Variants in TRIM36 observed in about 807,000 individuals in gnomAD.
TRIM36 encodes the protein tripartite motif containing 36.
Under a neutral mutation model 72.4 loss-of-function variants are expected in TRIM36, and 42 were observed. That is an observed-to-expected ratio of 0.58 (90% CI 0.45 to 0.75). The LOEUF is 0.75. Among genes scored for constraint, TRIM36 ranks in the 30% least tolerant of loss-of-function variants. TRIM36 has a pLI of 0.00. For missense variants in TRIM36, 913 were observed against 857.1 expected, an observed-to-expected ratio of 1.07 and a Z score of -0.81; for synonymous variants, 315 against 282.8, an observed-to-expected ratio of 1.11 and a Z score of -1.14.
chr5:115,159,409 T>A (rs1241274824), intron 2 of TRIM36, among the ~76,000 whole-genome samples: 1 of 152,212 alleles, frequency 6.6e-6, no homozygotes, highest in Non-Finnish European at 1.5e-5. Context: ...TATCTTGTCA[T>A]GTATATTGAC....
At chr5:115,169,925 G>T (rs754867762), upstream of TRIM36, 247 of 1,276,942 alleles carry the variant, frequency 1.9e-4, no homozygotes, top group Non-Finnish European at 2.4e-4. Flanking sequence ...GAACGGCGCC[G>T]CGCAGAGACC....
At chr5:115,139,633 C>A (rs1223064669) in intron 5 of TRIM36, among the ~76,000 whole-genome samples, 1 of 152,126 alleles carries the variant, frequency 6.6e-6, no homozygotes, top group Non-Finnish European at 1.5e-5. Flanking sequence ...TCAGAAATAT[C>A]ATTATAGATA....
At chr5:115,145,306 C>G (rs6594878) in intron 3 of TRIM36, among the ~76,000 whole-genome samples, 78,711 of 152,054 alleles carry the variant, frequency 0.52, 22,493 homozygotes, top group African/African-American at 0.77. Context: ...TTTCTGATTT[C>G]ATTGTCTACC....
intron 5 of TRIM36, among the ~76,000 whole-genome samples, chr5:115,138,162 C>T (rs563384379): frequency 2.6e-5 from 4 of 152,270 alleles, no homozygotes; most frequent in South Asian, 4.1e-4. Flanking sequence ...TGCAGTGGTG[C>T]GATCTTGGCT....
rs536410419 is a variant in TRIM36 at position 115,164,850 on chromosome 5, G to C, written c.28-1098C>G. On this transcript the variant is annotated intron_variant, in intron 1 of 9. Transcript: ENST00000513154. Reference sequence around the variant, plus strand: ...AGACAAAGCAAGTCCCTTCTGCCTAGGGGCCTGGAGAATCAAAAGCAAGTT... The same window carrying C: ...AGACAAAGCAAGTCCCTTCTGCCTACGGGCCTGGAGAATCAAAAGCAAGTT... 8.5e-5 allele frequency among the ~76,000 whole-genome samples: 13 copies of C among 152,322 alleles called. No individual in the cohort carries two copies. The East Asian group carries it at 1.9e-3, about 23-fold the overall frequency.
chr5:115,133,865 G>C lies in TRIM36; in HGVS notation c.1493C>G (p.Ala498Gly). The C allele has an allele frequency of 6.3e-7, 1 of 1,589,766 alleles. No individual in the cohort carries two copies. Among genetic ancestry groups the C allele is most frequent in the Non-Finnish European group, 8.6e-7 (1 of 1,169,126 alleles). Residue 498 changes from alanine to glycine, a missense_variant, in exon 8 of 10, where the codon GCT (alanine) becomes GGT (glycine). By Grantham distance (60) the Ala-to-Gly change is moderately conservative (BLOSUM62 0). Coordinates refer to ENST00000513154, the MANE Select transcript of TRIM36 (RefSeq NM_001300759.2). ...SRELILHTPP[A>G]PVFSFLFDEK... is the part of the protein sequence containing the mutation. ...ATTCCTGATATTCACCATACCTGGA[G>C]CTGGAGGAGTATGAAGAATCAATTC...
At chr5:115,144,842 T>C in intron 3 of TRIM36, 98 bp from the exon 4 acceptor site, 1 of 1,324,704 alleles carries the variant, frequency 7.5e-7, no homozygotes, top group Non-Finnish European at 1.0e-6. Flanking sequence ...AATCACTAAA[T>C]AAAGCCATTT....
At chr5:115,142,263 G>T (rs1286860484) in intron 4 of TRIM36, among the ~76,000 whole-genome samples, 1 of 151,970 alleles carries the variant, frequency 6.6e-6, no homozygotes, top group African/African-American at 2.4e-5. Flanking sequence ...TATTCCACAG[G>T]CTGAGAGGTA....
intron 5 of TRIM36, among the ~76,000 whole-genome samples, chr5:115,138,689 T>C (rs963435682): frequency 6.6e-6 from 1 of 152,218 alleles, no homozygotes; most frequent in South Asian, 2.1e-4. Flanking sequence ...AAAATGACCC[T>C]AGTGTTTGTT....
intron 2 of TRIM36, chr5:115,159,545 T>A (rs1199509119): frequency 2.5e-6 from 1 of 407,678 alleles, no homozygotes; most frequent in African/African-American, 2.1e-5. Context: ...TTTTGAAGAC[T>A]TGACCACTGA....
intron 2 of TRIM36, among the ~76,000 whole-genome samples, chr5:115,151,812 C>A (rs1753910299): frequency 6.6e-6 from 1 of 152,174 alleles, no homozygotes; most frequent in South Asian, 2.1e-4. Flanking sequence ...CCCAGGAAGG[C>A]ACATCCATAG....
At chr5:115,161,912 A>ACCC (rs1754504063) in intron 2 of TRIM36, among the ~76,000 whole-genome samples, 1 of 152,230 alleles carries the variant, frequency 6.6e-6, no homozygotes, top group Non-Finnish European at 1.5e-5. Context: ...TTGGCCCTGC[A>ACCC]GCATCTAAAT....
At position 115,147,247 on chromosome 5, in the gene TRIM36, G is replaced by C; in HGVS notation, c.410C>G (p.Ala137Gly). 1 of 1,614,174 alleles carries C rather than the reference G, an allele frequency of 6.2e-7. No individual in the cohort carries two copies. Among genetic ancestry groups the C allele is most frequent in the Non-Finnish European group, 8.5e-7 (1 of 1,180,042 alleles). Reference protein sequence around the residue: ...ETIVERYRQAARAATAIMCDL... With the variant: ...ETIVERYRQAGRAATAIMCDL... ...ACACATAATGGCTGTGGCTGCCCTA[G>C]CTGCTTGACGATATCTTTCCACAAT... Residue 137 changes from alanine (A) to glycine (G), a missense_variant, in exon 3 of 10, where the codon GCT becomes GGT. Ala to Gly is a moderately conservative substitution (Grantham distance 60). Coordinates refer to ENST00000513154, the MANE Select transcript of TRIM36 (RefSeq NM_001300759.2).
At position 115,126,447 on chromosome 5, in the gene TRIM36, C is replaced by T. The variant is rs542986743; in HGVS notation, c.*56G>A. ...ATATGTAATTAGTTACGAAGGTTAA[C>T]GCTAAGGCATTGCTTTGTTTACAGT... On this transcript the variant is annotated 3_prime_UTR_variant, in exon 10 of 10. Coordinates refer to ENST00000513154, the MANE Select transcript of TRIM36 (RefSeq NM_001300759.2). 53 of 1,414,262 alleles carry T rather than the reference C, an allele frequency of 3.7e-5. No homozygotes were observed. In the South Asian group the frequency reaches 3.8e-4, roughly 10 times the overall value. The allele number at this position is 1,414,262 out of a possible 1,614,324, so 87.6% of individuals were successfully genotyped here.
At position 115,169,666 on chromosome 5, in the gene TRIM36, C is replaced by G. The variant is rs1754989065; in HGVS notation, c.-32G>C. On this transcript the variant is annotated 5_prime_UTR_variant, in exon 1 of 10. Coordinates refer to ENST00000513154, the MANE Select transcript of TRIM36 (RefSeq NM_001300759.2). ...CTTCTGCCAGGTGTCATCAGCGGCA[C>G]GTTCCACTCACACCGGCTACCGAGC... 6.6e-7 allele frequency: 1 copy of G among 1,517,622 alleles called. No individual in the cohort carries two copies. The highest frequency in any genetic ancestry group is 8.8e-7 in the Non-Finnish European group (1 of 1,137,680). 94.0% of individuals were successfully genotyped at this position (1,517,622 alleles called of 1,614,324 possible). A position where few individuals can be genotyped will look rare whatever the true frequency, so the allele number is the denominator to read the frequency against.
chr5:115,162,589 A>G (rs1482735586), intron 2 of TRIM36, among the ~76,000 whole-genome samples: 3 of 152,262 alleles, frequency 2.0e-5, no homozygotes, highest in African/African-American at 7.2e-5. Flanking sequence ...AATTATAAGT[A>G]GAAATATCTA....
At chr5:115,171,660 A>G (rs1246614274), upstream of TRIM36, among the ~76,000 whole-genome samples, 1 of 152,246 alleles carries the variant, frequency 6.6e-6, no homozygotes, top group Admixed American at 6.5e-5. Context: ...GGAATTAAAG[A>G]TAAAATCTGT....
chr5:115,166,706 G>C (rs542456779), intron 1 of TRIM36, among the ~76,000 whole-genome samples: 1 of 152,226 alleles, frequency 6.6e-6, no homozygotes, highest in African/African-American at 2.4e-5. Flanking sequence ...GACAAGAGAG[G>C]AGAGAAGAGC....
At position 115,130,593 on chromosome 5, in the gene TRIM36, T is replaced by G. The variant is rs202123135; in HGVS notation, c.1795A>C (p.Arg599=). ...TTCTAGATCAATACAAAAACCTACC[T>G]TGGACTAACTGCATCCCGGGGAGAA... The part of the protein sequence containing the change: ...LRSPRDAVSP[R]YEQDSGHDSG... Residue 599 remains arginine (R), a splice_region_variant and synonymous_variant, in exon 9 of 10, where the codon AGA becomes CGA. Coordinates refer to ENST00000513154, the MANE Select transcript of TRIM36 (RefSeq NM_001300759.2). 460 of 1,613,102 alleles carry G rather than the reference T, an allele frequency of 2.9e-4. No homozygotes were observed. Among genetic ancestry groups the G allele is most frequent in the Non-Finnish European group, 3.7e-4 (438 of 1,179,508 alleles).
Sources: allele counts gnomAD v4.1 joint callset (sites outside exome capture counted in the v4.1 genomes callset), GRCh38; gene constraint gnomAD v4.1.1; transcripts MANE v1.5; gene names NCBI Gene and HGNC (gene_info 2026-07-23, HGNC 2026-07-21).